Variants in PDE1A observed in about 807,000 individuals in gnomAD.
The protein encoded by PDE1A is dual specificity calcium/calmodulin-dependent 3',5'-cyclic nucleotide phosphodiesterase 1A.
Under a neutral mutation model 61.7 loss-of-function variants are expected in PDE1A, and 35 were observed. The ratio of observed to expected loss-of-function variants is 0.57; its 90% CI spans 0.43 to 0.75. The LOEUF (loss-of-function observed/expected upper bound fraction) is 0.75. PDE1A is among the 30% of genes least tolerant of loss of function. The probability of loss-of-function intolerance (pLI) is 0.00; values close to 1 mark genes in which losing one functional copy is unlikely to be tolerated. For synonymous variants in PDE1A, 232 were observed against 213.2 expected (o/e 1.09, Z -0.77); for missense variants, 597 against 630.6 (o/e 0.95, Z 0.57).
the PDE1A span, among the ~76,000 whole-genome samples, chr2:182,610,132 G>A: frequency 5.9e-5 from 9 of 151,450 alleles, no homozygotes; most frequent in Non-Finnish European, 7.4e-5. Flanking sequence ...AGGAGCCAAC[G>A]AGTCTGGACA....
the PDE1A span, among the ~76,000 whole-genome samples, chr2:182,579,021 G>A: frequency 6.6e-6 from 1 of 152,056 alleles, no homozygotes; most frequent in East Asian, 1.9e-4. Flanking sequence ...AAGACACTTA[G>A]TTATCTATTC....
intron 2 of PDE1A, among the ~76,000 whole-genome samples, chr2:182,458,806 C>A (rs1254964052): frequency 6.6e-6 from 1 of 151,998 alleles, no homozygotes; most frequent in Non-Finnish European, 1.5e-5. Context: ...CACTGGACAG[C>A]AAAAACAACT....
chr2:182,370,922 A>G (rs146483289), intron 1 of PDE1A, among the ~76,000 whole-genome samples: 1,901 of 152,328 alleles, frequency 0.012, 24 homozygotes, highest in South Asian at 0.048. Flanking sequence ...CCAGAAAAAA[A>G]GAAAAAGTTC....
the PDE1A span, among the ~76,000 whole-genome samples, chr2:182,574,502 C>T: frequency 2.0e-5 from 3 of 152,130 alleles, no homozygotes; most frequent in Non-Finnish European, 2.9e-5. Flanking sequence ...CAACCAGAAA[C>T]GCACCAATCC....
chr2:182,563,390 T>C, the PDE1A span, among the ~76,000 whole-genome samples: 7 of 152,198 alleles, frequency 4.6e-5, no homozygotes, highest in African/African-American at 1.7e-4. Context: ...TAATCCTGAG[T>C]TCTAGTTTGA....
At chr2:182,143,530 T>C (rs1690330466), downstream of PDE1A, among the ~76,000 whole-genome samples, 1 of 152,126 alleles carries the variant, frequency 6.6e-6, no homozygotes, top group Non-Finnish European at 1.5e-5. Flanking sequence ...TATTTGTTTT[T>C]TGGTGAGACG....
At chr2:182,299,717 T>G (rs546067937) in intron 1 of PDE1A, among the ~76,000 whole-genome samples, 4 of 152,040 alleles carry the variant, frequency 2.6e-5, no homozygotes, top group African/African-American at 7.2e-5. Context: ...GCTGAAATGA[T>G]AAATTTTTTT....
At chr2:182,520,182 A>C (rs1690478273) in intron 2 of PDE1A, among the ~76,000 whole-genome samples, 1 of 151,936 alleles carries the variant, frequency 6.6e-6, no homozygotes, top group Non-Finnish European at 1.5e-5. Context: ...CTCTGAATGC[A>C]AACTATACAA....
intron 10 of PDE1A, 89 bp from the exon 11 acceptor site, chr2:182,189,149 A>T: frequency 1.4e-6 from 1 of 708,176 alleles, no homozygotes; most frequent in South Asian, 2.2e-5. Context: ...GAAAAGCCAC[A>T]TCTTTCATTT....
Position 182,151,294 on chromosome 2 carries a change from A to G in PDE1A, c.1517-4142T>C, listed in dbSNP as rs181797078. Among the ~76,000 whole-genome samples, 97 of 152,154 alleles carry G rather than the reference A, an allele frequency of 6.4e-4. 1 individual carries two copies. Among genetic ancestry groups the G allele is most frequent in the African/African-American group, 2.2e-3 (91 of 41,524 alleles). On this transcript the variant is annotated intron_variant, in intron 13 of 13. Coordinates refer to the PDE1A transcript ENST00000409365. Reference sequence around the variant, plus strand: ...GTTTTTTTGCATTTTTCATAGACACAGGTTTCACCATTTTGGCCAAGCTGG... The same window carrying G: ...GTTTTTTTGCATTTTTCATAGACACGGGTTTCACCATTTTGGCCAAGCTGG...
At chr2:182,516,846 G>GGAGA (rs1384990264) in intron 2 of PDE1A, among the ~76,000 whole-genome samples, 1 of 126,180 alleles carries the variant, frequency 7.9e-6, no homozygotes, top group Non-Finnish European at 1.8e-5. Flanking sequence ...AGGGAGGGAG[G>GGAGA]GAGGGAGGGA....
chr2:182,716,105 A>C, the PDE1A span: 7 of 152,450 alleles, frequency 4.6e-5, no homozygotes, highest in African/African-American at 2.4e-5. Flanking sequence ...TTGGAGCCGG[A>C]GCCGGAGCCG....
At chr2:182,550,101 A>T in the PDE1A span, among the ~76,000 whole-genome samples, 1 of 152,166 alleles carries the variant, frequency 6.6e-6, no homozygotes, top group African/African-American at 2.4e-5. Flanking sequence ...AGATATCCAA[A>T]ATAATCAAGA....
intron 1 of PDE1A, among the ~76,000 whole-genome samples, chr2:182,363,820 A>C (rs1441170029): frequency 1.3e-5 from 2 of 152,094 alleles, no homozygotes; most frequent in East Asian, 3.8e-4. Context: ...AGAATTAGAA[A>C]TTAACAAGGC....
intron 1 of PDE1A, among the ~76,000 whole-genome samples, chr2:182,396,337 C>T (rs1701704223): frequency 6.6e-6 from 1 of 152,206 alleles, no homozygotes; most frequent in Admixed American, 6.5e-5. Flanking sequence ...GTGCACTTTG[C>T]TTGGAAGGAG....
intron 1 of PDE1A, among the ~76,000 whole-genome samples, chr2:182,356,354 CT>C (rs1699177813): frequency 6.6e-6 from 1 of 152,056 alleles, no homozygotes; most frequent in African/African-American, 2.4e-5. Context: ...TGTTACAAAA[CT>C]TTTTCCATCT....
At chr2:182,367,403 C>A (rs1699895330) in intron 1 of PDE1A, among the ~76,000 whole-genome samples, 1 of 151,818 alleles carries the variant, frequency 6.6e-6, no homozygotes, top group South Asian at 2.1e-4. Flanking sequence ...TTTGTTTAAA[C>A]CTTTTATCTT....
intron 2 of PDE1A, among the ~76,000 whole-genome samples, chr2:182,448,075 C>T (rs759883800): frequency 1.3e-5 from 2 of 152,090 alleles, no homozygotes; most frequent in Admixed American, 1.3e-4. Flanking sequence ...TGATGACAAG[C>T]TGCATTTTTA....
At chr2:182,582,924 T>C in the PDE1A span, among the ~76,000 whole-genome samples, 1 of 152,222 alleles carries the variant, frequency 6.6e-6, no homozygotes, top group Non-Finnish European at 1.5e-5. Context: ...GAATATTTCA[T>C]GCTATATTAA....
Sources: gnomAD v4.1 joint callset for allele counts (sites outside exome capture counted in the v4.1 genomes callset) on GRCh38, gnomAD v4.1.1 for gene constraint, MANE v1.5 for transcripts, NCBI Gene and HGNC (gene_info 2026-07-23, HGNC 2026-07-21) for gene names.